PFDN1: variants seen among roughly 807,000 people sequenced by gnomAD.
PFDN1 encodes prefoldin 1.
In PFDN1, 6 loss-of-function variants were observed where a neutral mutation model predicts 17.3. The ratio of observed to expected loss-of-function variants is 0.35; its 90% CI spans 0.19 to 0.69. The LOEUF (loss-of-function observed/expected upper bound fraction) is 0.69. Ranked by LOEUF, PFDN1 falls within the 30% of genes least tolerant of loss-of-function variation. PFDN1 has a pLI of 0.65. For missense variants in PFDN1, 113 were observed against 146.2 expected, an observed-to-expected ratio of 0.77 and a Z score of 1.17; for synonymous variants, 58 against 50.1, an observed-to-expected ratio of 1.16 and a Z score of -0.67.
intron 3 of PFDN1, among the ~76,000 whole-genome samples, 183 bp from the exon 4 acceptor site, chr5:140,246,240 A>G (rs967202141): frequency 3.9e-5 from 6 of 152,192 alleles, no homozygotes; most frequent in Non-Finnish European, 8.8e-5. Context: ...ATGGGTGATC[A>G]CGGGCAGGCA....
At chr5:140,273,294 A>G (rs1706874000) in intron 3 of PFDN1, among the ~76,000 whole-genome samples, 1 of 152,068 alleles carries the variant, frequency 6.6e-6, no homozygotes, top group Non-Finnish European at 1.5e-5. Context: ...AGTGACTATC[A>G]TACAGTAGAG....
intron 2 of PFDN1, among the ~76,000 whole-genome samples, chr5:140,283,331 C>T (rs565492814): frequency 6.6e-6 from 1 of 152,276 alleles, no homozygotes; most frequent in South Asian, 2.1e-4. Flanking sequence ...CTCCCGGGTT[C>T]ATGCCATTCT....
chr5:140,262,419 G>GA, intron 3 of PFDN1: 3 of 421,940 alleles, frequency 7.1e-6, no homozygotes, highest in Non-Finnish European at 1.5e-5. Flanking sequence ...GCTCCATGAA[G>GA]AACACGTGAC....
At chr5:140,259,159 T>C (rs1021266207) in intron 3 of PFDN1, among the ~76,000 whole-genome samples, 19 of 152,104 alleles carry the variant, frequency 1.2e-4, no homozygotes, top group Admixed American at 2.6e-4. Flanking sequence ...TCAGAAATGG[T>C]TGGGGGCTAG....
At chr5:140,253,751 G>T (rs530692254) in intron 3 of PFDN1, among the ~76,000 whole-genome samples, 1 of 152,224 alleles carries the variant, frequency 6.6e-6, no homozygotes, top group African/African-American at 2.4e-5. Flanking sequence ...AGCTGAAGTC[G>T]GTGGGGACTT....
intron 3 of PFDN1, among the ~76,000 whole-genome samples, chr5:140,264,664 C>T (rs573034644): frequency 2.0e-4 from 31 of 151,400 alleles, no homozygotes; most frequent in African/African-American, 7.3e-4. Flanking sequence ...TAGGGAGACC[C>T]TGTCTTTACA....
chr5:140,246,198 C>T (rs1240772398), intron 3 of PFDN1, 141 bp from the exon 4 acceptor site: 2 of 654,184 alleles, frequency 3.1e-6, no homozygotes, highest in Admixed American at 4.4e-5. Context: ...GGTACACACA[C>T]CTGCCCACAG....
intron 1 of PFDN1, 97 bp from the exon 2 acceptor site, chr5:140,300,679 G>T (rs1581101336): frequency 1.3e-6 from 1 of 767,312 alleles, no homozygotes; most frequent in East Asian, 2.7e-5. Context: ...GCTAGCCAGA[G>T]ACAAAGCTGT....
At chr5:140,255,158 G>A (rs760219319) in intron 3 of PFDN1, among the ~76,000 whole-genome samples, 4 of 151,992 alleles carry the variant, frequency 2.6e-5, no homozygotes, top group Admixed American at 1.3e-4. Context: ...TCCTCAAATC[G>A]CCTATTCTCC....
At chr5:140,265,762 G>A (rs1446162035) in intron 3 of PFDN1, 1 of 152,236 alleles carries the variant, frequency 6.6e-6, no homozygotes, top group Non-Finnish European at 1.5e-5. Flanking sequence ...AGGACATACG[G>A]AATGCTGAGT....
At chr5:140,294,467 G>A (rs1237555068) in intron 2 of PFDN1, among the ~76,000 whole-genome samples, 1 of 151,962 alleles carries the variant, frequency 6.6e-6, no homozygotes, top group Non-Finnish European at 1.5e-5. Context: ...GAAGCAGTAT[G>A]AGCATACCCC....
intron 3 of PFDN1, among the ~76,000 whole-genome samples, chr5:140,248,998 C>T (rs1171845438): frequency 2.0e-5 from 3 of 152,196 alleles, no homozygotes; most frequent in Admixed American, 2.0e-4. Context: ...ACGTAGTAGA[C>T]ATTTCTTAAA....
chr5:140,283,561 T>C (rs1370707249), intron 2 of PFDN1, among the ~76,000 whole-genome samples: 1 of 152,172 alleles, frequency 6.6e-6, no homozygotes, highest in African/African-American at 2.4e-5. Context: ...TAGTCTTCAG[T>C]AGTAACTTGA....
chr5:140,276,395 T>C (rs1765293805), intron 3 of PFDN1, among the ~76,000 whole-genome samples: 1 of 152,130 alleles, frequency 6.6e-6, no homozygotes, highest in Non-Finnish European at 1.5e-5. Context: ...GATTAGTAGA[T>C]GGAATTGATA....
chr5:140,250,716 C>T (rs1376272037), intron 3 of PFDN1, among the ~76,000 whole-genome samples: 1 of 152,150 alleles, frequency 6.6e-6, no homozygotes, highest in African/African-American at 2.4e-5. Context: ...TTTTAGTTTT[C>T]CCTCCCAACT....
At chr5:140,258,460 A>G (rs1225590648) in intron 3 of PFDN1, among the ~76,000 whole-genome samples, 3 of 142,580 alleles carry the variant, frequency 2.1e-5, no homozygotes, top group East Asian at 4.1e-4. Flanking sequence ...AAAAAAAAAA[A>G]GCCTGGGAAG....
Position 140,245,301 on chromosome 5 carries a change from G to A in PFDN1, c.*673C>T, listed in dbSNP as rs907550456. 3.3e-6 allele frequency: 2 copies of A among 603,512 alleles called. No individual in the cohort carries two copies. The highest frequency in any genetic ancestry group is 3.8e-5 in the South Asian group (2 of 52,508). The allele number at this position is 603,512 out of a possible 1,614,324, so 37.4% of individuals were successfully genotyped here. A position where few individuals can be genotyped will look rare whatever the true frequency, so the allele number is the denominator to read the frequency against. On this transcript the variant is annotated 3_prime_UTR_variant, in exon 4 of 4. Coordinates refer to ENST00000261813, the MANE Select transcript of PFDN1 (RefSeq NM_002622.5). ...ATATTGGCCAAAAGGAGACAGTCTT[G>A]GAGGTGCTGCTTACTGTTGAACTTC... is the stretch of plus-strand genomic sequence containing the variant.
chr5:140,297,743 G>T (rs1030561130), intron 2 of PFDN1, among the ~76,000 whole-genome samples: 6 of 152,158 alleles, frequency 3.9e-5, no homozygotes, highest in African/African-American at 1.4e-4. Flanking sequence ...GTAGCACTTT[G>T]GAAAATATGT....
At chr5:140,299,524 G>C (rs1208982905) in intron 2 of PFDN1, among the ~76,000 whole-genome samples, 1 of 151,160 alleles carries the variant, frequency 6.6e-6, no homozygotes, top group Non-Finnish European at 1.5e-5. Context: ...TTGAACCCAA[G>C]AGGCGGAGGT....
Sources: allele counts gnomAD v4.1 joint callset (sites outside exome capture counted in the v4.1 genomes callset), GRCh38; gene constraint gnomAD v4.1.1; transcripts MANE v1.5; gene names NCBI Gene and HGNC (gene_info 2026-07-23, HGNC 2026-07-21).